The following ZNG1B variants were observed in gnomAD, a reference collection of about 807,000 sequenced individuals.
ZNG1B encodes Zn regulated GTPase metalloprotein activator 1B, also known as zinc-regulated GTPase metalloprotein activator 1B.
At chr2:113,459,795 C>T in the ZNG1B span, among the ~76,000 whole-genome samples, 2 of 145,088 alleles carry the variant, frequency 1.4e-5, no homozygotes, top group Admixed American at 7.1e-5. Context: ...TTTATTGTGA[C>T]AGGGAACCTC....
chr2:113,495,899 T>C, the ZNG1B span: 4 of 841,832 alleles, frequency 4.8e-6, 1 homozygote, highest in Admixed American at 3.4e-5. Context: ...AAATCGGTAC[T>C]GTAAAACATT....
the ZNG1B span, among the ~76,000 whole-genome samples, chr2:113,441,929 A>C: frequency 6.6e-6 from 1 of 152,104 alleles, no homozygotes; most frequent in Non-Finnish European, 1.5e-5. Flanking sequence ...TAGTAGAGAC[A>C]GGGTTTCACC....
chr2:113,471,048 T>C, the ZNG1B span: 1 of 1,583,392 alleles, frequency 6.3e-7, no homozygotes, highest in Non-Finnish European at 8.5e-7. Context: ...ATCTCTCTAA[T>C]GTATTAGATC....
the ZNG1B span, among the ~76,000 whole-genome samples, chr2:113,461,331 C>T: frequency 6.6e-6 from 1 of 151,994 alleles, no homozygotes; most frequent in Non-Finnish European, 1.5e-5. Context: ...ATCCACCCGC[C>T]TCGGCCTCCC....
At chr2:113,459,622 A>G in the ZNG1B span, among the ~76,000 whole-genome samples, 2 of 151,824 alleles carry the variant, frequency 1.3e-5, no homozygotes, top group South Asian at 4.2e-4. Context: ...TTCTTCCTTT[A>G]TAAATGAAAA....
chr2:113,476,104 C>G, the ZNG1B span, among the ~76,000 whole-genome samples: 4 of 152,036 alleles, frequency 2.6e-5, no homozygotes, highest in African/African-American at 9.7e-5. Context: ...TGGTTCCATT[C>G]TCCCCGTCAC....
the ZNG1B span, among the ~76,000 whole-genome samples, chr2:113,450,523 A>G: frequency 2.1e-5 from 3 of 145,972 alleles, no homozygotes; most frequent in East Asian, 6.3e-4. Context: ...CTTGCTTTTG[A>G]GCTTGTTTAT....
chr2:113,447,882 C>T, the ZNG1B span: 3 of 454,214 alleles, frequency 6.6e-6, no homozygotes, highest in East Asian at 6.9e-5. Flanking sequence ...ACTGTTTCCA[C>T]CACATCTGCA....
chr2:113,462,468 T>C, the ZNG1B span: 1 of 1,598,804 alleles, frequency 6.3e-7, no homozygotes, highest in Non-Finnish European at 8.5e-7. Context: ...CAGAAGAAGA[T>C]GTAAAGAAAT....
chr2:113,471,752 G>A, the ZNG1B span, among the ~76,000 whole-genome samples: 1 of 151,146 alleles, frequency 6.6e-6, no homozygotes, highest in East Asian at 2.0e-4. Flanking sequence ...TTGTTCTTGC[G>A]ATAGTTTATG....
the ZNG1B span, among the ~76,000 whole-genome samples, chr2:113,448,582 C>T: frequency 6.6e-6 from 1 of 150,612 alleles, no homozygotes; most frequent in Non-Finnish European, 1.5e-5. Flanking sequence ...GCATCTTCTT[C>T]CAAAAGGAGG....
the ZNG1B span, among the ~76,000 whole-genome samples, chr2:113,473,497 G>A: frequency 6.6e-6 from 1 of 151,228 alleles, no homozygotes; most frequent in Non-Finnish European, 1.5e-5. Context: ...CTGCCTAATT[G>A]CCCTGGCCAG....
the ZNG1B span, chr2:113,438,117 C>T: frequency 6.2e-7 from 1 of 1,606,078 alleles, no homozygotes; most frequent in Admixed American, 1.7e-5. Context: ...ATTGGGGCCT[C>T]ATGATCAAGA....
chr2:113,461,467 G>A, the ZNG1B span, among the ~76,000 whole-genome samples: 41,674 of 147,486 alleles, frequency 0.28, 6,335 homozygotes, highest in East Asian at 0.52. Context: ...AAAATAGCCA[G>A]ATTGGATTTG....
At chr2:113,445,791 C>G in the ZNG1B span, among the ~76,000 whole-genome samples, 1 of 128,782 alleles carries the variant, frequency 7.8e-6, no homozygotes, top group Non-Finnish European at 1.6e-5. Context: ...CTGACCCATA[C>G]CATTATTTTT....
the ZNG1B span, among the ~76,000 whole-genome samples, chr2:113,457,493 T>G: frequency 2.2e-5 from 3 of 137,306 alleles, no homozygotes; most frequent in Non-Finnish European, 3.1e-5. Flanking sequence ...TAAGATAGTT[T>G]TTTCTTTTCT....
the ZNG1B span, chr2:113,465,954 A>T: frequency 6.1e-6 from 6 of 985,062 alleles, no homozygotes; most frequent in Non-Finnish European, 7.2e-6. Flanking sequence ...CCAGACTGCC[A>T]TAAGTATTAG....
the ZNG1B span, among the ~76,000 whole-genome samples, chr2:113,477,566 G>T: frequency 6.6e-6 from 1 of 152,304 alleles, no homozygotes; most frequent in South Asian, 2.1e-4. Context: ...TTTAATAATG[G>T]ATTAGTTTTC....
chr2:113,453,302 G>A, the ZNG1B span: 7 of 1,533,496 alleles, frequency 4.6e-6, no homozygotes, highest in Non-Finnish European at 6.2e-6. Context: ...GGAGTGCATG[G>A]AGTGCAGTGG....
Sources: allele counts gnomAD v4.1 joint callset (sites outside exome capture counted in the v4.1 genomes callset), GRCh38; gene constraint gnomAD v4.1.1; transcripts MANE v1.5; gene names NCBI Gene and HGNC (gene_info 2026-07-23, HGNC 2026-07-21).